The following CNTN5 variants were observed in gnomAD, a reference collection of about 807,000 sequenced individuals.
CNTN5 encodes contactin-5.
CNTN5 carries 77 observed loss-of-function variants against 129.1 expected under a neutral mutation model. The ratio of observed to expected loss-of-function variants is 0.60; its 90% CI spans 0.50 to 0.72. CNTN5 has a LOEUF of 0.72. Ranked by LOEUF, CNTN5 falls within the 30% of genes least tolerant of loss-of-function variation. The pLI is 0.00. For missense variants in CNTN5, 1,478 were observed against 1,328.8 expected (o/e 1.11, Z -1.75); for synonymous variants, 509 against 465.6 (o/e 1.09, Z -1.20).
At chr11:100,341,903 A>G (rs1952169971) in intron 23 of CNTN5, among the ~76,000 whole-genome samples, 1 of 151,394 alleles carries the variant, frequency 6.6e-6, no homozygotes, top group Admixed American at 6.6e-5. Flanking sequence ...TATTCACAAT[A>G]TTTTTAATAT....
chr11:100,013,185 A>G (rs1299374429), intron 9 of CNTN5, among the ~76,000 whole-genome samples: 1 of 152,092 alleles, frequency 6.6e-6, no homozygotes, highest in Non-Finnish European at 1.5e-5. Context: ...GAGACTCAGA[A>G]GTGTGGGAGG....
intron 6 of CNTN5, among the ~76,000 whole-genome samples, chr11:99,911,845 A>G (rs2135994859): frequency 6.6e-6 from 1 of 152,026 alleles, no homozygotes; most frequent in African/African-American, 2.4e-5. Context: ...TTTCAGGAGA[A>G]ATCCCCTTAG....
chr11:99,071,122 T>C (rs958315091), intron 1 of CNTN5, among the ~76,000 whole-genome samples: 1 of 152,120 alleles, frequency 6.6e-6, no homozygotes, highest in African/African-American at 2.4e-5. Context: ...GTTATATTCA[T>C]GATCTCATTA....
intron 1 of CNTN5, among the ~76,000 whole-genome samples, chr11:99,307,876 C>T (rs1864941995): frequency 1.3e-5 from 2 of 152,168 alleles, no homozygotes; most frequent in African/African-American, 4.8e-5. Flanking sequence ...AGAAAGTATG[C>T]AGACCTGCTG....
Position 99,225,959 on chromosome 11 carries a change from A to G in CNTN5, c.-209-99387A>G, listed in dbSNP as rs569030389. 4.6e-5 allele frequency among the ~76,000 whole-genome samples: 7 copies of G among 152,314 alleles called. No individual in the cohort carries two copies. In the South Asian group the frequency reaches 1.5e-3, roughly 32 times the overall value. On this transcript the variant is annotated intron_variant, in intron 1 of 24. Coordinates refer to ENST00000524871, the MANE Select transcript of CNTN5 (RefSeq NM_014361.4). ...TTTGACTCATAATAAATGAGGAAGTATCAAAAAAGACCACTTAGTGCTAGA... is the reference window on the plus strand; with the variant it reads ...TTTGACTCATAATAAATGAGGAAGTGTCAAAAAAGACCACTTAGTGCTAGA...
At position 99,532,696 on chromosome 11, in the gene CNTN5, C is replaced by G. The variant is rs937865272; in HGVS notation, c.-70-23449C>G. 2.6e-5 allele frequency among the ~76,000 whole-genome samples: 4 copies of G among 152,232 alleles called. No individual in the cohort carries two copies. The South Asian group carries it at 6.2e-4, about 24-fold the overall frequency. ...TGATTGGTTTATCAGTGGTTTCTGC[C>G]TTTCTTTCTTCCTCATTCTCTCTTG... On this transcript the variant is annotated intron_variant, in intron 2 of 24. Transcript: ENST00000524871.
chr11:100,223,356 A>G (rs2138625406), intron 15 of CNTN5, among the ~76,000 whole-genome samples: 1 of 152,314 alleles, frequency 6.6e-6, no homozygotes, highest in East Asian at 1.9e-4. Context: ...GAAATGATCT[A>G]AAACATAGTA....
intron 2 of CNTN5, among the ~76,000 whole-genome samples, chr11:99,506,276 T>C (rs565697246): frequency 3.2e-4 from 49 of 152,350 alleles, no homozygotes; most frequent in African/African-American, 1.1e-3. Flanking sequence ...TTCCATAATT[T>C]TGAGTATCTT....
At chr11:99,491,578 C>G (rs1946038028) in intron 2 of CNTN5, among the ~76,000 whole-genome samples, 1 of 152,074 alleles carries the variant, frequency 6.6e-6, no homozygotes, top group Non-Finnish European at 1.5e-5. Flanking sequence ...GTTTCTGAGA[C>G]AATATGCTAT....
At chr11:99,439,707 C>CAAAAA (rs376871051) in intron 2 of CNTN5, among the ~76,000 whole-genome samples, 2 of 95,438 alleles carry the variant, frequency 2.1e-5, no homozygotes, top group African/African-American at 4.3e-5. Context: ...GACTCTGTCT[C>CAAAAA]AAAAAAAAAA....
chr11:99,393,872 T>C (rs1825910355), intron 2 of CNTN5, among the ~76,000 whole-genome samples: 1 of 151,742 alleles, frequency 6.6e-6, no homozygotes, highest in Non-Finnish European at 1.5e-5. Context: ...CACACTAAAT[T>C]GTAAGATAAA....
At chr11:99,720,375 G>A (rs140273299) in intron 3 of CNTN5, among the ~76,000 whole-genome samples, 30 of 152,190 alleles carry the variant, frequency 2.0e-4, no homozygotes, top group Middle Eastern at 3.4e-3. Context: ...CAGTAAATAT[G>A]ATTCATTACA....
At chr11:100,268,736 A>G (rs535229101) in intron 17 of CNTN5, among the ~76,000 whole-genome samples, 2 of 152,322 alleles carry the variant, frequency 1.3e-5, no homozygotes, top group Admixed American at 6.5e-5. Context: ...TTCTGCCAAG[A>G]TAAGTGGAGA....
chr11:99,607,268 C>T (rs1205263329), intron 3 of CNTN5, among the ~76,000 whole-genome samples: 12 of 68,670 alleles, frequency 1.7e-4, no homozygotes, highest in African/African-American at 2.9e-4. Context: ...AACAAACAAC[C>T]CCATCAAAAA....
At chr11:100,115,427 G>C (rs1945812436) in intron 13 of CNTN5, among the ~76,000 whole-genome samples, 1 of 152,068 alleles carries the variant, frequency 6.6e-6, no homozygotes, top group Non-Finnish European at 1.5e-5. Context: ...AACAAAACTT[G>C]ATGTAATAAC....
At chr11:99,508,686 C>CTTTCTTTTTTTT (rs11281160) in intron 2 of CNTN5, among the ~76,000 whole-genome samples, 2 of 146,858 alleles carry the variant, frequency 1.4e-5, no homozygotes, top group African/African-American at 5.0e-5. Context: ...TCTTTTCTTT[C>CTTTCTTTTTTTT]TTTTTTTTTT....
chr11:99,278,888 A>G (rs1354400569), intron 1 of CNTN5, among the ~76,000 whole-genome samples: 1 of 151,744 alleles, frequency 6.6e-6, no homozygotes, highest in Non-Finnish European at 1.5e-5. Context: ...CATTCTTGGT[A>G]GTAGATCAAT....
intron 3 of CNTN5, among the ~76,000 whole-genome samples, chr11:99,791,656 G>A (rs1945747400): frequency 6.6e-6 from 1 of 152,208 alleles, no homozygotes; most frequent in African/African-American, 2.4e-5. Flanking sequence ...TGAGAAGAAT[G>A]TAATTGAAAG....
intron 13 of CNTN5, among the ~76,000 whole-genome samples, chr11:100,100,849 C>T (rs1338316482): frequency 6.6e-6 from 1 of 152,032 alleles, no homozygotes; most frequent in Non-Finnish European, 1.5e-5. Context: ...TCTCAATTTG[C>T]CCCACCTAAA....
Sources: gnomAD v4.1 joint callset for allele counts (sites outside exome capture counted in the v4.1 genomes callset) on GRCh38, gnomAD v4.1.1 for gene constraint, MANE v1.5 for transcripts, NCBI Gene and HGNC (gene_info 2026-07-23, HGNC 2026-07-21) for gene names.